The following CNTNAP2 variants were observed in gnomAD, a reference collection of about 807,000 sequenced individuals.
CNTNAP2 encodes contactin-associated protein-like 2.
In CNTNAP2, 98 loss-of-function variants were observed where a neutral mutation model predicts 155.2. The observed-to-expected ratio is 0.63, with a 90% CI of 0.54 to 0.75. The LOEUF (loss-of-function observed/expected upper bound fraction) is 0.75. CNTNAP2 is among the 30% of genes least tolerant of loss of function. The pLI is 0.00. For synonymous variants in CNTNAP2, 651 were observed against 631.2 expected (o/e 1.03, Z -0.47); for missense variants, 1,727 against 1,688.1 (o/e 1.02, Z -0.40).
chr7:146,990,378 TG>T (rs1798189093), intron 3 of CNTNAP2, among the ~76,000 whole-genome samples: 1 of 152,188 alleles, frequency 6.6e-6, no homozygotes, highest in Admixed American at 6.5e-5. Flanking sequence ...TGTATCCCCA[TG>T]GAGGTCTGAC....
At chr7:147,813,717 A>T (rs142735901) in intron 13 of CNTNAP2, among the ~76,000 whole-genome samples, 75 of 152,334 alleles carry the variant, frequency 4.9e-4, no homozygotes, top group African/African-American at 1.8e-3. Flanking sequence ...AGATGAAATT[A>T]AAATATTTAT....
chr7:146,664,990 C>A (rs1451192176), intron 1 of CNTNAP2, among the ~76,000 whole-genome samples: 2 of 152,116 alleles, frequency 1.3e-5, no homozygotes, highest in Admixed American at 1.3e-4. Flanking sequence ...CTTGCTCTCG[C>A]CCAGCTGGAG....
chr7:146,850,545 G>T (rs1794859344), intron 3 of CNTNAP2, among the ~76,000 whole-genome samples: 1 of 152,040 alleles, frequency 6.6e-6, no homozygotes, highest in South Asian at 2.1e-4. Context: ...TAATATGTGA[G>T]GATATAGATT....
At chr7:147,490,819 C>T (rs1001145793) in intron 11 of CNTNAP2, among the ~76,000 whole-genome samples, 3 of 152,140 alleles carry the variant, frequency 2.0e-5, no homozygotes, top group African/African-American at 7.2e-5. Flanking sequence ...CCGGGGAGGC[C>T]TCAGGAAACT....
chr7:147,245,372 C>T (rs1249210971), intron 8 of CNTNAP2, among the ~76,000 whole-genome samples: 2 of 152,100 alleles, frequency 1.3e-5, no homozygotes, highest in South Asian at 2.1e-4. Context: ...AGTCGTCTCT[C>T]TGTGGGGTAG....
At chr7:146,235,923 A>G (rs1283030779) in intron 1 of CNTNAP2, among the ~76,000 whole-genome samples, 1 of 151,502 alleles carries the variant, frequency 6.6e-6, no homozygotes, top group Non-Finnish European at 1.5e-5. Flanking sequence ...TTACCCATCA[A>G]TATTCTCTGA....
intron 2 of CNTNAP2, among the ~76,000 whole-genome samples, chr7:146,784,907 A>G (rs1802548754): frequency 6.6e-6 from 1 of 152,048 alleles, no homozygotes; most frequent in South Asian, 2.1e-4. Context: ...TTCTTTCTAA[A>G]CCATTCAAGA....
At chr7:148,337,874 T>C (rs1798147171) in intron 21 of CNTNAP2, among the ~76,000 whole-genome samples, 1 of 152,198 alleles carries the variant, frequency 6.6e-6, no homozygotes, top group Admixed American at 6.5e-5. Context: ...GAGCAATGGG[T>C]CAGGGGGACT....
At chr7:147,197,166 C>T (rs776144809) in intron 8 of CNTNAP2, among the ~76,000 whole-genome samples, 2 of 152,000 alleles carry the variant, frequency 1.3e-5, no homozygotes, top group Non-Finnish European at 2.9e-5. Flanking sequence ...TGTAACTTCA[C>T]TTCAGCCTCT....
chr7:147,726,394 C>T lies in CNTNAP2; in HGVS notation c.2098+87088C>T, dbSNP rs373397405. Among the ~76,000 whole-genome samples, 52 of 151,950 alleles carry T rather than the reference C, an allele frequency of 3.4e-4. No homozygotes were observed. The East Asian group carries it at 5.5e-3, about 16-fold the overall frequency. On this transcript the variant is annotated intron_variant, in intron 13 of 23. Transcript: ENST00000361727. The stretch of plus-strand genomic sequence containing the variant: ...CTACTTAAAAGCCAGACATGACAGA[C>T]GAGGGTTGGTAGGAGGAAAATGAGG...
chr7:148,240,320 T>C (rs4726935), intron 20 of CNTNAP2, among the ~76,000 whole-genome samples: 110,191 of 152,110 alleles, frequency 0.72, 40,918 homozygotes, highest in East Asian at 0.95. Flanking sequence ...CTAGGCATTT[T>C]GTCAGATAAT....
intron 1 of CNTNAP2, among the ~76,000 whole-genome samples, chr7:146,353,301 C>T (rs1794949973): frequency 6.6e-6 from 1 of 152,110 alleles, no homozygotes; most frequent in Non-Finnish European, 1.5e-5. Flanking sequence ...GAACTATTTG[C>T]ATCCTTAAAA....
intron 4 of CNTNAP2, among the ~76,000 whole-genome samples, chr7:147,051,073 A>G (rs1363993500): frequency 6.6e-6 from 1 of 151,814 alleles, no homozygotes; most frequent in Non-Finnish European, 1.5e-5. Flanking sequence ...TTATCTTAAC[A>G]AGCTATATCC....
chr7:147,894,571 A>C (rs575424692), intron 13 of CNTNAP2, among the ~76,000 whole-genome samples: 15 of 152,330 alleles, frequency 9.8e-5, no homozygotes, highest in African/African-American at 3.6e-4. Context: ...TTTGTAGATA[A>C]GGTTGTAATT....
intron 13 of CNTNAP2, among the ~76,000 whole-genome samples, chr7:147,859,207 A>G (rs561248845): frequency 7.2e-5 from 11 of 152,298 alleles, no homozygotes; most frequent in South Asian, 6.2e-4. Context: ...CCATCTGTTT[A>G]TAATGCTGTT....
chr7:147,889,143 T>G (rs1266239804), intron 13 of CNTNAP2, among the ~76,000 whole-genome samples: 4 of 151,956 alleles, frequency 2.6e-5, no homozygotes, highest in Non-Finnish European at 5.9e-5. Context: ...AGAATGATAT[T>G]TAAGAGAATG....
At chr7:146,770,953 A>T (rs1014806481) in intron 1 of CNTNAP2, among the ~76,000 whole-genome samples, 1 of 152,148 alleles carries the variant, frequency 6.6e-6, no homozygotes, top group Non-Finnish European at 1.5e-5. Context: ...CTGATTGAGC[A>T]GGTATGGACT....
chr7:146,788,191 A>G (rs1279305134), intron 2 of CNTNAP2, among the ~76,000 whole-genome samples: 1 of 152,174 alleles, frequency 6.6e-6, no homozygotes, highest in Non-Finnish European at 1.5e-5. Context: ...CCCACCTGGA[A>G]CCCGTGTGGC....
chr7:146,490,524 A>G (rs1797123463), intron 1 of CNTNAP2, among the ~76,000 whole-genome samples: 5 of 152,238 alleles, frequency 3.3e-5, no homozygotes, highest in Admixed American at 3.3e-4. Context: ...TTGTTGAGTG[A>G]AACAGGTATG....
Sources: gnomAD v4.1 joint callset for allele counts (sites outside exome capture counted in the v4.1 genomes callset) on GRCh38, gnomAD v4.1.1 for gene constraint, MANE v1.5 for transcripts, NCBI Gene and HGNC (gene_info 2026-07-23, HGNC 2026-07-21) for gene names.